The following NUTF2 variants were observed in gnomAD, a reference collection of about 807,000 sequenced individuals.
NUTF2 encodes the protein nuclear transport factor 2, also known as placental protein 15.
A neutral mutation model predicts 18.5 loss-of-function variants in NUTF2; 3 were observed. That is an observed-to-expected ratio of 0.16 (90% CI 0.07 to 0.42). The LOEUF is 0.42. Among genes scored for constraint, NUTF2 ranks in the 10% least tolerant of loss-of-function variants. The probability of loss-of-function intolerance (pLI) is 0.99; values close to 1 mark genes in which losing one functional copy is unlikely to be tolerated. For missense variants in NUTF2, 44 were observed against 160.7 expected (o/e 0.27, Z 3.93); for synonymous variants, 51 against 57.9 (o/e 0.88, Z 0.54).
chr16:67,861,384 G>T (rs1326400857), intron 1 of NUTF2, among the ~76,000 whole-genome samples: 1 of 152,196 alleles, frequency 6.6e-6, no homozygotes, highest in East Asian at 1.9e-4. Flanking sequence ...AGATAAAAAT[G>T]GAGTTTTTCT....
At chr16:67,870,120 C>A (rs1396728038) in intron 4 of NUTF2, 1 of 152,304 alleles carries the variant, frequency 6.6e-6, no homozygotes, top group African/African-American at 2.4e-5. Context: ...TGTTCACTTT[C>A]TCAGGCAAAG....
At chr16:67,864,237 A>T (rs916930232) in intron 1 of NUTF2, among the ~76,000 whole-genome samples, 1 of 152,196 alleles carries the variant, frequency 6.6e-6, no homozygotes, top group Middle Eastern at 3.2e-3. Flanking sequence ...TTGGCTGGGT[A>T]CAGTGGCTCA....
intron 1 of NUTF2, among the ~76,000 whole-genome samples, chr16:67,861,645 G>A (rs546254743): frequency 1.3e-4 from 20 of 152,310 alleles, no homozygotes; most frequent in East Asian, 3.9e-4. Context: ...CTCAGCCTGC[G>A]GACTGTTGGG....
chr16:67,851,510 T>C (rs2057857161), intron 1 of NUTF2, among the ~76,000 whole-genome samples: 1 of 151,944 alleles, frequency 6.6e-6, no homozygotes. Flanking sequence ...ATTTTGTTTT[T>C]TTTATTATTA....
chr16:67,856,037 C>T (rs547240155), intron 1 of NUTF2: 7 of 797,958 alleles, frequency 8.8e-6, no homozygotes, highest in East Asian at 2.5e-5. Flanking sequence ...GCTCAGGGGC[C>T]GGCACTCACC....
chr16:67,867,798 C>T (rs1416140172), intron 2 of NUTF2, among the ~76,000 whole-genome samples: 1 of 152,190 alleles, frequency 6.6e-6, no homozygotes, highest in Non-Finnish European at 1.5e-5. Context: ...AGCAATTCTC[C>T]TGCCTCAGCC....
intron 1 of NUTF2, among the ~76,000 whole-genome samples, chr16:67,851,071 G>C (rs960595491): frequency 2.6e-5 from 4 of 151,964 alleles, no homozygotes; most frequent in Non-Finnish European, 5.9e-5. Context: ...AAAGTGCTAG[G>C]ATTACAGGTG....
chr16:67,866,759 G>A (rs1227249273), intron 2 of NUTF2, among the ~76,000 whole-genome samples: 3 of 151,960 alleles, frequency 2.0e-5, no homozygotes, highest in Admixed American at 1.3e-4. Flanking sequence ...AAGCCACCGC[G>A]CCCGGCTACA....
chr16:67,858,039 G>T (rs1278388932), intron 1 of NUTF2, among the ~76,000 whole-genome samples: 1 of 152,198 alleles, frequency 6.6e-6, no homozygotes, highest in Admixed American at 6.5e-5. Flanking sequence ...ATGGGAACAG[G>T]GATGACTAGG....
At chr16:67,849,083 T>G (rs2057832096) in intron 1 of NUTF2, among the ~76,000 whole-genome samples, 1 of 152,156 alleles carries the variant, frequency 6.6e-6, no homozygotes, top group Admixed American at 6.5e-5. Context: ...ACTTTCCTAG[T>G]CCATATCCTG....
intron 2 of NUTF2, among the ~76,000 whole-genome samples, chr16:67,867,730 A>G (rs2057982977): frequency 6.6e-6 from 1 of 152,136 alleles, no homozygotes; most frequent in South Asian, 2.1e-4. Context: ...TCTGTCACCC[A>G]GGCTGGAGTG....
intron 2 of NUTF2, among the ~76,000 whole-genome samples, chr16:67,867,065 A>C (rs1343247759): frequency 1.3e-5 from 2 of 150,602 alleles, no homozygotes; most frequent in African/African-American, 2.4e-5. Context: ...TCTGCCTCCC[A>C]GGTTCAAGCA....
At chr16:67,852,379 A>C (rs902488820) in intron 1 of NUTF2, among the ~76,000 whole-genome samples, 2 of 146,218 alleles carry the variant, frequency 1.4e-5, no homozygotes, top group African/African-American at 5.1e-5. Context: ...CCCAGGCTGG[A>C]GTGAAGTGTC....
chr16:67,851,800 G>GAA (rs1254837402), intron 1 of NUTF2, among the ~76,000 whole-genome samples: 1 of 152,086 alleles, frequency 6.6e-6, no homozygotes, highest in Non-Finnish European at 1.5e-5. Context: ...TGGATTACTT[G>GAA]AGGTCAGGAG....
chr16:67,858,622 G>A (rs1022297133), intron 1 of NUTF2, among the ~76,000 whole-genome samples: 1 of 152,216 alleles, frequency 6.6e-6, no homozygotes, highest in Non-Finnish European at 1.5e-5. Context: ...AACAGACTCA[G>A]CATGTTCCAG....
chr16:67,854,943 T>TA (rs1177076059), intron 1 of NUTF2, among the ~76,000 whole-genome samples: 25 of 147,034 alleles, frequency 1.7e-4, no homozygotes, highest in African/African-American at 4.5e-4. Flanking sequence ...TCTCTGTCTT[T>TA]AAAAAAAAAA....
chr16:67,859,791 A>C (rs2057922552), intron 1 of NUTF2, among the ~76,000 whole-genome samples: 4 of 128,686 alleles, frequency 3.1e-5, no homozygotes, highest in South Asian at 2.6e-4. Flanking sequence ...CCACTGCGCC[A>C]GGCCTTTTTT....
At chr16:67,865,294 G>T in intron 2 of NUTF2, 65 bp downstream of exon 2, 2 of 1,172,104 alleles carry the variant, frequency 1.7e-6, no homozygotes, top group South Asian at 2.5e-5. Context: ...GGGCCAGTGT[G>T]TCCAGTTCAC....
At chr16:67,861,155 C>T (rs146631863) in intron 1 of NUTF2, among the ~76,000 whole-genome samples, 1 of 152,334 alleles carries the variant, frequency 6.6e-6, no homozygotes, top group African/African-American at 2.4e-5. Context: ...AATTCCACCA[C>T]CTATCAGCTG....
Sources: allele counts gnomAD v4.1 joint callset (sites outside exome capture counted in the v4.1 genomes callset), GRCh38; gene constraint gnomAD v4.1.1; transcripts MANE v1.5; gene names NCBI Gene and HGNC (gene_info 2026-07-23, HGNC 2026-07-21).